Variants in NOL4 observed in about 807,000 individuals in gnomAD.
The protein encoded by NOL4 is nucleolar protein 4, also known as cancer/testis antigen 125.
NOL4 carries 17 observed loss-of-function variants against 75.9 expected under a neutral mutation model. The ratio of observed to expected loss-of-function variants is 0.22; its 90% confidence interval spans 0.15 to 0.34. The LOEUF (loss-of-function observed/expected upper bound fraction) is 0.34, where lower values mean the gene tolerates loss of function less well. Among genes scored for constraint, NOL4 ranks in the 10% least tolerant of loss-of-function variants. The pLI, the probability that NOL4 is intolerant of heterozygous loss-of-function variation, is 1.00. For synonymous variants in NOL4, 292 were observed against 289.9 expected, an observed-to-expected ratio of 1.01 and a Z score of -0.07; for missense variants, 614 against 793.5, an observed-to-expected ratio of 0.77 and a Z score of 2.72.
intron 9 of NOL4, among the ~76,000 whole-genome samples, chr18:33,898,098 A>G (rs1356493032): frequency 6.6e-6 from 1 of 152,072 alleles, no homozygotes; most frequent in Non-Finnish European, 1.5e-5. Context: ...ATTTTTGTAG[A>G]GACAAGGCCT....
intron 10 of NOL4, among the ~76,000 whole-genome samples, chr18:33,862,897 T>C (rs560345905): frequency 2.0e-5 from 3 of 152,170 alleles, no homozygotes; most frequent in Admixed American, 6.5e-5. Flanking sequence ...GAAATACCAT[T>C]TGACCCAGCC....
chr18:34,184,600 C>T (rs2034312907), intron 1 of NOL4, among the ~76,000 whole-genome samples: 2 of 152,002 alleles, frequency 1.3e-5, no homozygotes, highest in Non-Finnish European at 2.9e-5. Context: ...AAAGGAAGAT[C>T]CACAAGCGAC....
chr18:33,921,642 C>A (rs1429173268), intron 9 of NOL4, among the ~76,000 whole-genome samples: 2 of 152,114 alleles, frequency 1.3e-5, no homozygotes, highest in Non-Finnish European at 2.9e-5. Context: ...CTACTAGAAG[C>A]AGCAAAGAAG....
intron 5 of NOL4, among the ~76,000 whole-genome samples, chr18:34,071,608 AT>A (rs1439400836): frequency 2.0e-5 from 3 of 152,194 alleles, no homozygotes; most frequent in Non-Finnish European, 4.4e-5. Flanking sequence ...AGATTATTCA[AT>A]AAACTACATG....
At chr18:33,935,297 C>T (rs561665651) in intron 9 of NOL4, among the ~76,000 whole-genome samples, 57 of 152,230 alleles carry the variant, frequency 3.7e-4, no homozygotes, top group Middle Eastern at 6.8e-3. Flanking sequence ...TTTAATCATT[C>T]TAGCTTTTGA....
At chr18:34,046,607 C>CATATATATATAT (rs35281852) in intron 5 of NOL4, among the ~76,000 whole-genome samples, 5,331 of 81,256 alleles carry the variant, frequency 0.066, 625 homozygotes, top group Non-Finnish European at 0.08. Flanking sequence ...TTTACTTATA[C>CATATATATATAT]ATATATATAT....
At chr18:34,145,068 A>G (rs1275469691) in intron 1 of NOL4, among the ~76,000 whole-genome samples, 1 of 152,146 alleles carries the variant, frequency 6.6e-6, no homozygotes, top group Non-Finnish European at 1.5e-5. Flanking sequence ...AGATATTGAC[A>G]GACAAGAACA....
chr18:33,986,697 T>C (rs1372777856), intron 6 of NOL4, among the ~76,000 whole-genome samples: 4 of 152,158 alleles, frequency 2.6e-5, no homozygotes, highest in African/African-American at 9.7e-5. Context: ...TATAGCCACT[T>C]TGACAATCAG....
intron 1 of NOL4, among the ~76,000 whole-genome samples, chr18:34,179,116 GT>G (rs1568424097): frequency 6.6e-6 from 1 of 151,386 alleles, no homozygotes; most frequent in African/African-American, 2.4e-5. Context: ...AGTCATAAAG[GT>G]AATTAGAAAA....
intron 1 of NOL4, among the ~76,000 whole-genome samples, chr18:34,142,928 GA>G (rs2081241711): frequency 6.6e-6 from 1 of 151,994 alleles, no homozygotes; most frequent in Admixed American, 6.6e-5. Context: ...AAATATTCAG[GA>G]AAAATAACAG....
chr18:34,036,293 A>G (rs2075893157), intron 5 of NOL4, among the ~76,000 whole-genome samples: 2 of 152,184 alleles, frequency 1.3e-5, no homozygotes, highest in South Asian at 4.1e-4. Flanking sequence ...TGAGATTTAT[A>G]CCAGGGATGC....
intron 1 of NOL4, among the ~76,000 whole-genome samples, chr18:34,159,985 G>A (rs1242333306): frequency 3.9e-5 from 6 of 152,078 alleles, no homozygotes; most frequent in Non-Finnish European, 8.8e-5. Flanking sequence ...GCTCAGTAGG[G>A]GCACCCGTAA....
intron 2 of NOL4, among the ~76,000 whole-genome samples, chr18:34,117,214 T>C (rs1207447021): frequency 6.6e-6 from 1 of 152,166 alleles, no homozygotes; most frequent in Non-Finnish European, 1.5e-5. Flanking sequence ...ATGATCACTA[T>C]CATGATCTCT....
At chr18:34,134,726 C>A (rs1017400265) in intron 1 of NOL4, among the ~76,000 whole-genome samples, 1 of 151,808 alleles carries the variant, frequency 6.6e-6, no homozygotes, top group Non-Finnish European at 1.5e-5. Context: ...ATAAAACAAG[C>A]CTCAATAAAT....
At chr18:34,212,570 G>C (rs2036587078) in intron 1 of NOL4, among the ~76,000 whole-genome samples, 2 of 152,168 alleles carry the variant, frequency 1.3e-5, no homozygotes, top group African/African-American at 2.4e-5. Flanking sequence ...TGGGTCAGAA[G>C]ACTGGCATGT....
Position 33,980,976 on chromosome 18 carries a change from A to G in NOL4, c.1057-22558T>C, listed in dbSNP as rs187715765. Among the ~76,000 whole-genome samples, 154 of 152,190 alleles carry G rather than the reference A, an allele frequency of 1.0e-3. No homozygotes were observed. In the Middle Eastern group the frequency reaches 0.01, roughly 10 times the overall value. ...GACAACATACAATAACTGATGGATA[A>G]TGTAAGCATAGAGATAGAAATTCTG... On this transcript the variant is annotated intron_variant, in intron 6 of 10. Coordinates refer to ENST00000261592, the MANE Select transcript of NOL4 (RefSeq NM_003787.5).
chr18:33,925,790 G>GA (rs1489207021), intron 9 of NOL4, among the ~76,000 whole-genome samples: 1 of 151,650 alleles, frequency 6.6e-6, no homozygotes, highest in Admixed American at 6.6e-5. Flanking sequence ...AAAATGCTTT[G>GA]AAAAAAGGAA....
At chr18:33,934,821 G>A (rs868482533) in intron 9 of NOL4, among the ~76,000 whole-genome samples, 14 of 146,610 alleles carry the variant, frequency 9.5e-5, no homozygotes, top group African/African-American at 2.8e-4. Context: ...TAATAAGGCC[G>A]TTTTGCTTTT....
chr18:33,873,960 T>C (rs371199000), intron 10 of NOL4, among the ~76,000 whole-genome samples: 9 of 151,928 alleles, frequency 5.9e-5, no homozygotes, highest in Admixed American at 1.3e-4. Context: ...CAAGGGAGGG[T>C]ATCTCTGCAT....
Sources: gnomAD v4.1 joint callset for allele counts (sites outside exome capture counted in the v4.1 genomes callset) on GRCh38, gnomAD v4.1.1 for gene constraint, MANE v1.5 for transcripts, NCBI Gene and HGNC (gene_info 2026-07-23, HGNC 2026-07-21) for gene names.